The following TBRG1 variants were observed in gnomAD, a reference collection of about 807,000 sequenced individuals.
TBRG1 encodes the protein transforming growth factor beta regulator 1.
TBRG1 carries 31 observed loss-of-function variants against 44.0 expected under a neutral mutation model. That is an observed-to-expected ratio of 0.70 (90% CI 0.53 to 0.95). The LOEUF is 0.95. TBRG1 is among the 40% of genes least tolerant of loss of function. The pLI is 0.00. For missense variants in TBRG1, 487 were observed against 496.1 expected, an observed-to-expected ratio of 0.98 and a Z score of 0.18; for synonymous variants, 171 against 188.1, an observed-to-expected ratio of 0.91 and a Z score of 0.74.
chr11:124,625,364 C>G (rs950641245), intron 2 of TBRG1, among the ~76,000 whole-genome samples: 1 of 152,226 alleles, frequency 6.6e-6, no homozygotes, highest in Non-Finnish European at 1.5e-5. Context: ...ACGTACTATT[C>G]TGTGCAAAGC....
In TBRG1 at chr11:124,632,991, G is replaced by A. The variant is rs1024348627; in HGVS notation, c.*753G>A. 1 of 152,156 alleles carries A rather than the reference G, an allele frequency of 6.6e-6. No homozygotes were observed. Among genetic ancestry groups the A allele is most frequent in the African/African-American group, 2.4e-5 (1 of 41,424 alleles). 9.4% of individuals were successfully genotyped at this position (152,156 alleles called of 1,614,324 possible). Reference sequence around the variant, plus strand: ...ATCAAGTCCCAGCCCCTGCAACCCAGGCTGCTGCTTAATTTTCATGTCAGT... The same window carrying A: ...ATCAAGTCCCAGCCCCTGCAACCCAAGCTGCTGCTTAATTTTCATGTCAGT... On this transcript the variant is annotated 3_prime_UTR_variant, in exon 9 of 9. Transcript: ENST00000441174.
intron 5 of TBRG1, among the ~76,000 whole-genome samples, chr11:124,627,548 C>T (rs1942500237): frequency 6.6e-6 from 1 of 152,204 alleles, no homozygotes; most frequent in South Asian, 2.1e-4. Flanking sequence ...CCCCAACCAT[C>T]ATCTCCTGAT....
intron 5 of TBRG1, among the ~76,000 whole-genome samples, chr11:124,627,424 G>A (rs1338143233): frequency 6.6e-6 from 1 of 152,156 alleles, no homozygotes; most frequent in South Asian, 2.1e-4. Flanking sequence ...CAAAGAAATT[G>A]CATATTAGTT....
chr11:124,631,265 G>C lies in TBRG1; in HGVS notation c.948-10G>C, dbSNP rs1374694677. ...ATAACTCTCAAGGGTGATTTCCCTT[G>C]ATTCTGCAGTTACCAGTGGGTGAAA... On this transcript the variant is annotated splice_polypyrimidine_tract_variant and intron_variant, in intron 7 of 8. Coordinates refer to ENST00000441174, the MANE Select transcript of TBRG1 (RefSeq NM_032811.3). The C allele has an allele frequency of 6.4e-7, 1 of 1,556,296 alleles. No individual in the cohort carries two copies. Among genetic ancestry groups the C allele is most frequent in the Admixed American group, 2.0e-5 (1 of 50,040 alleles).
In TBRG1 at chr11:124,624,943, A is replaced by G. The variant is rs1450656737; in HGVS notation, c.163A>G (p.Ile55Val). 1.9e-6 allele frequency: 3 copies of G among 1,542,974 alleles called. No homozygotes were observed. The highest frequency in any genetic ancestry group is 1.8e-6 in the Non-Finnish European group (2 of 1,140,224). ...TTTTTACTTAAAGGAAAATGCTGCT[A>G]TTTGTGATGAAATTGCTCGTCTTGA... ...AKATVFENAA[I>V]CDEIARLEEK... Residue 55 changes from isoleucine (I) to valine (V), a missense_variant, in exon 2 of 9, where the codon ATT (isoleucine) becomes GTT (valine). Transcript: ENST00000441174.
rs199995172 is a variant in TBRG1 at position 124,629,700 on chromosome 11, TTGAC to T, written c.739-684_739-681del. Among the ~76,000 whole-genome samples the T allele has an allele frequency of 2.8e-3, 420 of 152,332 alleles. 9 individuals are homozygous for T. The East Asian group carries it at 0.07, about 26-fold the overall frequency. On this transcript the variant is annotated intron_variant, in intron 5 of 8. Coordinates refer to ENST00000441174, the MANE Select transcript of TBRG1 (RefSeq NM_032811.3). ...ATAAATTAATCCTGTTCAGGATAAT[TTGAC>T]TGAAGTAAACATTGAAGAACTAGAA...
Position 124,626,523 on chromosome 11 carries a change from C to G in TBRG1, c.505C>G (p.Leu169Val). 1 of 1,550,376 alleles carries G rather than the reference C, an allele frequency of 6.5e-7. No individual in the cohort carries two copies. The highest frequency in any genetic ancestry group is 2.0e-5 in the Admixed American group (1 of 50,714). ...GAAAATGGCGGGAGGTGCTCGCAAG[C>G]TGGTTCAGCCCATTGCCCTGGATCC... ...KKKMAGGARK[L>V]VQPIALDPSG... Residue 169 changes from leucine (L) to valine (V), a missense_variant, in exon 4 of 9, where the codon CTG becomes GTG. Coordinates refer to ENST00000441174, the MANE Select transcript of TBRG1 (RefSeq NM_032811.3).
chr11:124,623,500 A>C (rs766793537), intron 1 of TBRG1: 1 of 520,928 alleles, frequency 1.9e-6, no homozygotes, highest in South Asian at 1.8e-5. Context: ...ATACCAATAA[A>C]TTTTAGTCAT....
intron 4 of TBRG1, 70 bp downstream of exon 4, chr11:124,626,679 C>T (rs1437731574): frequency 6.6e-7 from 1 of 1,523,774 alleles, no homozygotes; most frequent in Non-Finnish European, 8.9e-7. Flanking sequence ...GCCTTCCCTC[C>T]CTGTTCCCAT....
In TBRG1 at chr11:124,633,764, T is replaced by C. The variant is rs939527178; in HGVS notation, c.*1526T>C. The C allele has an allele frequency of 1.4e-4, 22 of 152,268 alleles. No homozygotes were observed. The highest frequency in any genetic ancestry group is 5.3e-4 in the African/African-American group (22 of 41,468). 9.4% of individuals were successfully genotyped at this position (152,268 alleles called of 1,614,324 possible). A position where few individuals can be genotyped will look rare whatever the true frequency, so the allele number is the denominator to read the frequency against. Reference sequence around the variant, plus strand: ...TGTTAATGCAGTGTTTTTCTTTTTTTCTCTGCATAAATGGCTTGAGCATAC... The same window carrying C: ...TGTTAATGCAGTGTTTTTCTTTTTTCCTCTGCATAAATGGCTTGAGCATAC... On this transcript the variant is annotated 3_prime_UTR_variant, in exon 9 of 9. Coordinates refer to ENST00000441174, the MANE Select transcript of TBRG1 (RefSeq NM_032811.3).
intron 5 of TBRG1, chr11:124,630,052 A>G: frequency 1.0e-5 from 2 of 192,752 alleles, no homozygotes; most frequent in Admixed American, 5.2e-5. Context: ...GACTTAAAAG[A>G]TTACATGGAG....
rs1942674396 is a variant in TBRG1 at position 124,634,320 on chromosome 11, GCAAAACTCCAACT to G, written c.*2088_*2100del. ...ACTGCACTCCAGCCTGGGCAACAGAGCAAAACTCCAACTCAAAAACAAAAACAAAAACACCTTG... is the reference window on the plus strand; with the variant it reads ...ACTGCACTCCAGCCTGGGCAACAGAGCAAAAACAAAAACAAAAACACCTTG... On this transcript the variant is annotated 3_prime_UTR_variant, in exon 9 of 9. Coordinates refer to ENST00000441174, the MANE Select transcript of TBRG1 (RefSeq NM_032811.3). The G allele has an allele frequency of 6.6e-6, 1 of 152,220 alleles. No homozygotes were observed. The highest frequency in any genetic ancestry group is 1.5e-5 in the Non-Finnish European group (1 of 68,060). The allele number at this position is 152,220 out of a possible 1,614,324, so 9.4% of individuals were successfully genotyped here. A position where few individuals can be genotyped will look rare whatever the true frequency, so the allele number is the denominator to read the frequency against.
chr11:124,626,835 A>G (rs1942486577), intron 4 of TBRG1, 69 bp from the exon 5 acceptor site: 2 of 1,562,100 alleles, frequency 1.3e-6, no homozygotes, highest in Admixed American at 3.8e-5. Context: ...TCTAAAGGCT[A>G]CCACAGGAAA....
chr11:124,623,399 T>G, intron 1 of TBRG1, 166 bp downstream of exon 1: 1 of 776,146 alleles, frequency 1.3e-6, no homozygotes. Flanking sequence ...ACGTAATTTC[T>G]CTGTGTCCTC....
At chr11:124,630,030 T>C in intron 5 of TBRG1, 1 of 179,108 alleles carries the variant, frequency 5.6e-6, no homozygotes, top group Non-Finnish European at 1.2e-5. Context: ...TTCTCCTAGA[T>C]CTTGTAAAAT....
intron 7 of TBRG1, 130 bp downstream of exon 7, chr11:124,630,985 T>C (rs759177047): frequency 1.4e-5 from 10 of 731,792 alleles, no homozygotes; most frequent in Non-Finnish European, 6.9e-6. Context: ...TAGGGCTCAG[T>C]ATTGGCCCCC....
chr11:124,633,795 T>G lies in TBRG1; in HGVS notation c.*1557T>G, dbSNP rs1942661589. 1.3e-5 allele frequency: 2 copies of G among 152,352 alleles called. No homozygotes were observed. Among genetic ancestry groups the G allele is most frequent in the South Asian group, 4.1e-4 (2 of 4,820 alleles). 9.4% of individuals were successfully genotyped at this position (152,352 alleles called of 1,614,324 possible). A position where few individuals can be genotyped will look rare whatever the true frequency, so the allele number is the denominator to read the frequency against. On this transcript the variant is annotated 3_prime_UTR_variant, in exon 9 of 9. Coordinates refer to ENST00000441174, the MANE Select transcript of TBRG1 (RefSeq NM_032811.3). ...CATAAATGGCTTGAGCATACTGGCA[T>G]TTACACAGAAATGATATATGCTGCT...
chr11:124,627,150 TCAC>T, intron 5 of TBRG1, 100 bp downstream of exon 5: 1 of 879,018 alleles, frequency 1.1e-6, no homozygotes, highest in South Asian at 1.6e-5. Flanking sequence ...ATATGTATAA[TCAC>T]CATTTGGGTA....
Position 124,632,259 on chromosome 11 carries a change from A to G in TBRG1, c.*21A>G. ...ATTGAACAAGAAGGGATCAGATGCC[A>G]CATCGTTTTTGTCGTGATTAATTTA... On this transcript the variant is annotated 3_prime_UTR_variant, in exon 9 of 9. Transcript: ENST00000441174. 1 of 1,606,116 alleles carries G rather than the reference A, an allele frequency of 6.2e-7. No individual in the cohort carries two copies. The highest frequency in any genetic ancestry group is 8.5e-7 in the Non-Finnish European group (1 of 1,176,700).
Sources: allele counts gnomAD v4.1 joint callset (sites outside exome capture counted in the v4.1 genomes callset), GRCh38; gene constraint gnomAD v4.1.1; transcripts MANE v1.5; gene names NCBI Gene and HGNC (gene_info 2026-07-23, HGNC 2026-07-21).